ZNF365: variants seen among roughly 807,000 people sequenced by gnomAD.
ZNF365 encodes protein ZNF365.
Under a neutral mutation model 35.0 loss-of-function variants are expected in ZNF365, and 22 were observed. That is an observed-to-expected ratio of 0.63 (90% CI 0.45 to 0.90). The LOEUF (loss-of-function observed/expected upper bound fraction) is 0.90, where lower values mean the gene tolerates loss of function less well. Ranked by LOEUF, ZNF365 falls within the 40% of genes least tolerant of loss-of-function variation. The pLI, the probability that ZNF365 is intolerant of heterozygous loss-of-function variation, is 0.00. For missense variants in ZNF365, 448 were observed against 500.3 expected (o/e 0.90, Z 1.00); for synonymous variants, 188 against 196.2 (o/e 0.96, Z 0.35).
chr10:62,470,141 G>A (rs1841010481), intron 4 of ZNF365, among the ~76,000 whole-genome samples: 1 of 152,172 alleles, frequency 6.6e-6, no homozygotes, highest in South Asian at 2.1e-4. Flanking sequence ...TAGATAGAAG[G>A]ATTTGAGTAG....
intron 3 of ZNF365, among the ~76,000 whole-genome samples, chr10:62,448,485 C>T (rs1469945298): frequency 2.6e-5 from 4 of 152,096 alleles, no homozygotes; most frequent in Non-Finnish European, 4.4e-5. Flanking sequence ...GTCACTTTGG[C>T]CCTTTTTTTA....
chr10:62,385,229 C>T (rs1373133116), intron 2 of ZNF365, among the ~76,000 whole-genome samples: 1 of 152,056 alleles, frequency 6.6e-6, no homozygotes, highest in Admixed American at 6.6e-5. Context: ...GCAGTTTGTG[C>T]CAGGTTGGTT....
rs1839329108 is a variant in ZNF365 at position 62,376,374 on chromosome 10, A to C, written c.181A>C (p.Lys61Gln). ...CTACGAAGAAAGAACCCTCTTGACAAAATGCAGTCTCTTTCCATCCCTCAA... is the reference window on the plus strand; with the variant it reads ...CTACGAAGAAAGAACCCTCTTGACACAATGCAGTCTCTTTCCATCCCTCAA... ...HSYEERTLLT[K>Q]CSLFPSLKDT... is the part of the protein sequence containing the mutation. Residue 61 changes from lysine (K) to glutamine (Q), a missense_variant, in exon 2 of 5, where the codon AAA becomes CAA. Coordinates refer to ENST00000395254, the MANE Select transcript of ZNF365 (RefSeq NM_014951.3). 6.2e-7 allele frequency: 1 copy of C among 1,614,070 alleles called. No homozygotes were observed.
intron 4 of ZNF365, among the ~76,000 whole-genome samples, chr10:62,463,476 A>G (rs1840881682): frequency 6.6e-6 from 1 of 152,260 alleles, no homozygotes; most frequent in Non-Finnish European, 1.5e-5. Context: ...CACATGGGAC[A>G]TGTTTATCTG....
intron 4 of ZNF365, among the ~76,000 whole-genome samples, chr10:62,477,647 A>G (rs1182530403): frequency 6.6e-6 from 1 of 152,184 alleles, no homozygotes; most frequent in Non-Finnish European, 1.5e-5. Context: ...CAACATCAAA[A>G]GCTGATTTCT....
At chr10:62,387,801 TTCTC>T (rs1239805074) in intron 2 of ZNF365, among the ~76,000 whole-genome samples, 1 of 152,204 alleles carries the variant, frequency 6.6e-6, no homozygotes. Flanking sequence ...CTCCTATACT[TTCTC>T]TCCCTGTAGA....
intron 3 of ZNF365, among the ~76,000 whole-genome samples, chr10:62,440,964 G>A (rs921695072): frequency 5.3e-5 from 8 of 152,058 alleles, no homozygotes; most frequent in African/African-American, 1.9e-4. Context: ...TCACAAAAGA[G>A]AAAAGGCCCT....
At position 62,376,148 on chromosome 10, in the gene ZNF365, C is replaced by T. The variant is rs116577677; in HGVS notation, c.-13-33C>T. The T allele has an allele frequency of 2.5e-4, 403 of 1,596,922 alleles. 2 individuals are homozygous for T. The African/African-American group carries it at 4.4e-3, about 18-fold the overall frequency. ...TCATTTTAGTAGTGTGTTTTTCAGC[C>T]GACTTGTAAACTACCTATTTCCCCC... On this transcript the variant is annotated intron_variant, in intron 1 of 4. Coordinates refer to ENST00000395254, the MANE Select transcript of ZNF365 (RefSeq NM_014951.3).
chr10:62,439,082 T>C (rs1389775774), intron 3 of ZNF365, among the ~76,000 whole-genome samples: 1 of 152,226 alleles, frequency 6.6e-6, no homozygotes, highest in Admixed American at 6.5e-5. Flanking sequence ...ACTATCACCT[T>C]GCTGTTGTTG....
chr10:62,416,156 C>T (rs1303540816), intron 3 of ZNF365, among the ~76,000 whole-genome samples: 1 of 151,794 alleles, frequency 6.6e-6, no homozygotes, highest in South Asian at 2.1e-4. Flanking sequence ...CACCTCTGAG[C>T]TGTGCAAATC....
Position 62,400,652 on chromosome 10 carries a change from C to G in ZNF365, c.*863C>G. ...ACTGCACGCTTGGTGCATCGTGCAT[C>G]GTGACCATCCTGGAAGCACTGCGGG... On this transcript the variant is annotated 3_prime_UTR_variant, in exon 5 of 5. Transcript: ENST00000395254. 1 of 985,694 alleles carries G rather than the reference C, an allele frequency of 1.0e-6. No homozygotes were observed. Among genetic ancestry groups the G allele is most frequent in the Non-Finnish European group, 1.2e-6 (1 of 829,996 alleles). 61.1% of individuals were successfully genotyped at this position (985,694 alleles called of 1,614,324 possible).
chr10:62,480,211 A>G, exon 5 of ZNF365: 2 of 1,093,526 alleles, frequency 1.8e-6, no homozygotes, highest in South Asian at 7.1e-5. Flanking sequence ...TGTCCCTATG[A>G]GATAGAGTCA....
intron 4 of ZNF365, among the ~76,000 whole-genome samples, chr10:62,476,846 C>G (rs927087988): frequency 6.6e-6 from 1 of 152,190 alleles, no homozygotes; most frequent in Non-Finnish European, 1.5e-5. Context: ...ATGTTTCATG[C>G]TGTTAGGGCA....
chr10:62,460,931 C>T (rs938741149), intron 4 of ZNF365, among the ~76,000 whole-genome samples: 3 of 152,150 alleles, frequency 2.0e-5, no homozygotes, highest in Non-Finnish European at 2.9e-5. Context: ...GTGTTGGAAC[C>T]TGTGAGAGAA....
downstream of ZNF365, among the ~76,000 whole-genome samples, chr10:62,404,596 A>T (rs1204925155): frequency 6.6e-6 from 1 of 152,124 alleles, no homozygotes; most frequent in East Asian, 1.9e-4. Context: ...TGTGAGAGTT[A>T]TTTGAGAGGT....
chr10:62,442,571 G>A (rs549564060), intron 3 of ZNF365, among the ~76,000 whole-genome samples: 2 of 152,286 alleles, frequency 1.3e-5, no homozygotes, highest in African/African-American at 4.8e-5. Context: ...AGTTTGGAGG[G>A]ATGGATGTCA....
At chr10:62,427,835 C>A (rs1217381858) in intron 3 of ZNF365, among the ~76,000 whole-genome samples, 1 of 152,148 alleles carries the variant, frequency 6.6e-6, no homozygotes, top group Non-Finnish European at 1.5e-5. Flanking sequence ...TTCTCTGTTT[C>A]TGTTGTTGCA....
chr10:62,388,878 G>T, intron 3 of ZNF365, among the ~76,000 whole-genome samples: 1 of 152,110 alleles, frequency 6.6e-6, no homozygotes, highest in East Asian at 1.9e-4. Flanking sequence ...AGTATCCAAA[G>T]AAATCATTCA....
At chr10:62,467,576 A>G (rs567110138) in intron 4 of ZNF365, among the ~76,000 whole-genome samples, 1 of 152,328 alleles carries the variant, frequency 6.6e-6, no homozygotes, top group East Asian at 1.9e-4. Flanking sequence ...TCAAGAGTGT[A>G]CAGGTATATG....
Sources: gnomAD v4.1 joint callset for allele counts (sites outside exome capture counted in the v4.1 genomes callset) on GRCh38, gnomAD v4.1.1 for gene constraint, MANE v1.5 for transcripts, NCBI Gene and HGNC (gene_info 2026-07-23, HGNC 2026-07-21) for gene names.